The following NID1 variants were observed in gnomAD, a reference collection of about 807,000 sequenced individuals.
The protein encoded by NID1 is nidogen-1.
A neutral mutation model predicts 130.6 loss-of-function variants in NID1; 76 were observed. The observed-to-expected ratio is 0.58, with a 90% CI of 0.48 to 0.70. The LOEUF (loss-of-function observed/expected upper bound fraction) is 0.70, where lower values mean the gene tolerates loss of function less well. Among genes scored for constraint, NID1 ranks in the 30% least tolerant of loss-of-function variants. The pLI, the probability that NID1 is intolerant of heterozygous loss-of-function variation, is 0.00. For missense variants in NID1, 1,517 were observed against 1,664.8 expected (o/e 0.91, Z 1.54); for synonymous variants, 665 against 675.1 (o/e 0.98, Z 0.23).
In NID1 at chr1:236,026,097, C is replaced by T. The variant is rs535886435; in HGVS notation, c.1783G>A (p.Glu595Lys). 79 of 1,613,544 alleles carry T rather than the reference C, an allele frequency of 4.9e-5. No individual in the cohort carries two copies. In the South Asian group the frequency reaches 5.8e-4, roughly 12 times the overall value. The change falls in exon 8 of 20, where the codon GAG (glutamate) becomes AAG (lysine). Residue 595 changes from glutamate (E) to lysine (K), a missense_variant. By Grantham distance (56) the Glu-to-Lys change is moderately conservative. Transcript: ENST00000264187. Reference sequence around the variant, plus strand: ...CGTGAAGGAGATGCCCCATCTCGCTCGGGCTCAGTCACCGTGTACTCCCGG... The same window carrying T: ...CGTGAAGGAGATGCCCCATCTCGCTTGGGCTCAGTCACCGTGTACTCCCGG... Reference protein sequence around the residue: ...STREYTVTEPERDGASPSRIY... With the variant: ...STREYTVTEPKRDGASPSRIY...
At chr1:236,050,854 G>A (rs1020068049) in intron 1 of NID1, among the ~76,000 whole-genome samples, 23 of 152,188 alleles carry the variant, frequency 1.5e-4, no homozygotes, top group African/African-American at 3.9e-4. Context: ...GAGGTGGGTG[G>A]ATCATTTGAG....
chr1:236,053,605 C>A (rs143821142), intron 1 of NID1, among the ~76,000 whole-genome samples: 29 of 152,290 alleles, frequency 1.9e-4, no homozygotes, highest in African/African-American at 7.0e-4. Flanking sequence ...ACACCCCCAG[C>A]CCCTGATATG....
In NID1 at chr1:236,048,762, G is replaced by C. The variant is rs201727792; in HGVS notation, c.453C>G (p.Ser151Arg). 8.7e-6 allele frequency: 14 copies of C among 1,613,542 alleles called. No homozygotes were observed. Among genetic ancestry groups the C allele is most frequent in the Non-Finnish European group, 1.2e-5 (14 of 1,180,026 alleles). ...CGGATTCCCAAGTGACAACCACCGC[G>C]CTACTAGGCTGGAAAGAGATCTCCG... ...GFPEISFQPS[S>R]AVVVTWESVA... is the part of the protein sequence containing the mutation. The change falls in exon 2 of 20, where the codon AGC (serine) becomes AGG (arginine). Residue 151 changes from serine (S) to arginine (R), a missense_variant. Transcript: ENST00000264187.
intron 14 of NID1, among the ~76,000 whole-genome samples, chr1:235,986,495 G>A (rs1422774210): frequency 6.6e-6 from 1 of 150,964 alleles, no homozygotes; most frequent in African/African-American, 2.4e-5. Context: ...ATTCCACAAT[G>A]AATACTATAA....
At chr1:236,005,583 G>T (rs1371672817) in intron 12 of NID1, among the ~76,000 whole-genome samples, 1 of 152,040 alleles carries the variant, frequency 6.6e-6, no homozygotes, top group Non-Finnish European at 1.5e-5. Flanking sequence ...CTATATAAGT[G>T]TTAGCTATTA....
At chr1:236,030,431 T>C (rs1659063969) in intron 6 of NID1, among the ~76,000 whole-genome samples, 1 of 152,224 alleles carries the variant, frequency 6.6e-6, no homozygotes, top group Admixed American at 6.5e-5. Flanking sequence ...TCTACAACCC[T>C]TGAGCTCAGA....
intron 1 of NID1, among the ~76,000 whole-genome samples, chr1:236,059,959 G>A (rs1659995704): frequency 6.6e-6 from 1 of 152,082 alleles, no homozygotes; most frequent in African/African-American, 2.4e-5. Flanking sequence ...AATTAGCTGG[G>A]CGTGTTGGCA....
At chr1:236,037,806 C>T (rs747602163) in intron 5 of NID1, among the ~76,000 whole-genome samples, 13 of 152,226 alleles carry the variant, frequency 8.5e-5, no homozygotes, top group Non-Finnish European at 1.2e-4. Flanking sequence ...TTTAACACTA[C>T]GGCCTTTGTG....
At position 236,021,754 on chromosome 1, in the gene NID1, A is replaced by G. The variant is rs12024223; in HGVS notation, c.2128+2316T>C. Among the ~76,000 whole-genome samples the G allele has an allele frequency of 6.9e-3, 1,057 of 152,320 alleles. 19 individuals carry two copies. The highest frequency in any genetic ancestry group is 0.057 in the East Asian group (296 of 5,180). On this transcript the variant is annotated intron_variant, in intron 9 of 19. Coordinates refer to ENST00000264187, the MANE Select transcript of NID1 (RefSeq NM_002508.3). ...TGCTCATTAGTGAGCCCTCTCACTA[A>G]TTGCAGACTTAAACAGCACTGCTCG...
In NID1 at chr1:236,029,715, C is replaced by G. The variant is rs1262466777; in HGVS notation, c.1573G>C (p.Val525Leu). 1 of 1,614,114 alleles carries G rather than the reference C, an allele frequency of 6.2e-7. No individual in the cohort carries two copies. Among genetic ancestry groups the G allele is most frequent in the Non-Finnish European group, 8.5e-7 (1 of 1,180,024 alleles). Reference protein sequence around the residue: ...EFTRQAEVTFVGHPGNLVIKQ... With the variant: ...EFTRQAEVTFLGHPGNLVIKQ... ...ATGACCAGATTGCCCGGGTGCCCCA[C>G]GAAGGTCACCTCAGCCTGGCGAGTG... Residue 525 changes from valine (V) to leucine (L), a missense_variant, in exon 7 of 20, where the codon GTG (valine) becomes CTG (leucine). Physicochemically the swap from Val to Leu is conservative, Grantham distance 32. Around this residue, in one of 3 missense-constraint regions of NID1, gnomAD observed 1,329 missense variants for 1,429.2 expected, o/e 0.93. Transcript: ENST00000264187.
intron 6 of NID1, among the ~76,000 whole-genome samples, chr1:236,030,240 A>G (rs898368424): frequency 6.6e-6 from 1 of 152,196 alleles, no homozygotes. Flanking sequence ...TCCCAGTACC[A>G]GAAACCATCC....
rs774009078 is a variant in NID1 at position 236,048,702 on chromosome 1, G to C, written c.513C>G (p.Asp171Glu). The C allele has an allele frequency of 3.1e-6, 5 of 1,610,746 alleles. No homozygotes were observed. The highest frequency in any genetic ancestry group is 4.2e-6 in the Non-Finnish European group (5 of 1,179,664). ...APYQGPSRDP[D>E]QKGKRNTFQA... is the part of the protein sequence containing the mutation. ...GAGGGGAGCTTACCTTGCCTTTCTG[G>C]TCTGGGTCCCTGCTGGGCCCTTGGT... The change falls in exon 2 of 20, where the codon GAC becomes GAG. Residue 171 changes from aspartate to glutamate, a missense_variant. By Grantham distance (45) the Asp-to-Glu change is conservative. Around this residue, in one of 3 missense-constraint regions of NID1, gnomAD observed 1,329 missense variants for 1,429.2 expected, o/e 0.93. Coordinates refer to ENST00000264187, the MANE Select transcript of NID1 (RefSeq NM_002508.3).
rs143892194 is a variant in NID1, at chr1:236,029,560, G to A, written c.1728C>T (p.Tyr576=). The A allele has an allele frequency of 1.9e-6, 3 of 1,560,630 alleles. No homozygotes were observed. The highest frequency in any genetic ancestry group is 1.4e-5 in the African/African-American group (1 of 73,750). ...HIEPYTELYH[Y]STSVITSSST... is the part of the protein sequence containing the mutation. ...ACAGCTGGGGCTCACCTGAGGTGGA[G>A]TAGTGGTACAGCTCCGTGTAGGGCT... The change falls in exon 7 of 20, where the codon TAC becomes TAT. Residue 576 remains tyrosine (Y), a synonymous_variant. Coordinates refer to ENST00000264187, the MANE Select transcript of NID1 (RefSeq NM_002508.3).
chr1:236,002,793 A>T (rs113019694), intron 12 of NID1, among the ~76,000 whole-genome samples: 1 of 152,124 alleles, frequency 6.6e-6, no homozygotes, highest in African/African-American at 2.4e-5. Flanking sequence ...GCCATGTGAG[A>T]GTCACAAGGG....
At chr1:236,001,163 T>C (rs1483627934) in intron 12 of NID1, among the ~76,000 whole-genome samples, 2 of 149,934 alleles carry the variant, frequency 1.3e-5, no homozygotes, top group South Asian at 4.2e-4. Flanking sequence ...TGGAGTGAAG[T>C]GGTGCAATCT....
chr1:235,991,158 T>TA, intron 13 of NID1, 100 bp from the exon 14 acceptor site: 1 of 975,158 alleles, frequency 1.0e-6, no homozygotes, highest in Non-Finnish European at 1.5e-6. Context: ...TGCACACACA[T>TA]ACACACACCC....
intron 1 of NID1, 101 bp from the exon 2 acceptor site, chr1:236,049,090 G>A (rs2102845992): frequency 7.4e-6 from 9 of 1,223,584 alleles, no homozygotes; most frequent in South Asian, 1.4e-5. Context: ...TACCCATGCT[G>A]TGTAGAATAC....
chr1:236,048,935 G>A lies in NID1; in HGVS notation c.280C>T (p.Pro94Ser). The change falls in exon 2 of 20, where the codon CCC (proline) becomes TCC (serine). Residue 94 changes from proline (P) to serine (S), a missense_variant. Physicochemically the swap from Pro to Ser is moderately conservative, Grantham distance 74. Around this residue, in one of 3 missense-constraint regions of NID1, gnomAD observed 1,329 missense variants for 1,429.2 expected, o/e 0.93. Transcript: ENST00000264187. ...CCGAATGTTGGTGGGAAGAGCCCGG[G>A]ATGGGATTCTTTGGCCGGGGGTTCA... ...TSEPPAKESH[P>S]GLFPPTFGAV... The A allele has an allele frequency of 6.2e-7, 1 of 1,614,174 alleles. No homozygotes were observed. The highest frequency in any genetic ancestry group is 8.5e-7 in the Non-Finnish European group (1 of 1,180,022).
At chr1:236,021,875 A>C (rs1658775519) in intron 9 of NID1, among the ~76,000 whole-genome samples, 1 of 152,206 alleles carries the variant, frequency 6.6e-6, no homozygotes. Flanking sequence ...GCCTACATGA[A>C]AGTATTTGAA....
Sources: gnomAD v4.1 joint callset for allele counts (sites outside exome capture counted in the v4.1 genomes callset) on GRCh38, gnomAD v4.1.1 for gene constraint, gnomAD v4.1.1 regional missense constraint, MANE v1.5 for transcripts, NCBI Gene and HGNC (gene_info 2026-07-23, HGNC 2026-07-21) for gene names.